The following MTA1 variants were observed in gnomAD, a reference collection of about 807,000 sequenced individuals.
MTA1 encodes metastasis-associated protein MTA1.
MTA1 carries 15 observed loss-of-function variants against 97.0 expected under a neutral mutation model. That is an observed-to-expected ratio of 0.15 (90% confidence interval 0.10 to 0.24). MTA1 has a LOEUF of 0.24. Ranked by LOEUF, MTA1 falls within the 10% of genes least tolerant of loss-of-function variation. MTA1 has a pLI of 1.00. For missense variants in MTA1, 709 were observed against 1,015.1 expected, an observed-to-expected ratio of 0.70 and a Z score of 4.10; for synonymous variants, 435 against 417.5, an observed-to-expected ratio of 1.04 and a Z score of -0.51.
At chr14:105,467,974 G>A (rs1422203296) in intron 18 of MTA1, 1 of 289,166 alleles carries the variant, frequency 3.5e-6, no homozygotes, top group East Asian at 9.2e-5. Context: ...TTGTGAGGGA[G>A]CATCACCCCT....
At chr14:105,469,641 G>C in intron 19 of MTA1, 143 bp downstream of exon 19, 1 of 1,206,934 alleles carries the variant, frequency 8.3e-7, no homozygotes, top group Non-Finnish European at 1.2e-6. Flanking sequence ...TGCAGCATGT[G>C]GGGGCCATGG....
intron 13 of MTA1, 29 bp from the exon 14 acceptor site, chr14:105,464,387 C>T: frequency 6.2e-7 from 1 of 1,607,980 alleles, no homozygotes; most frequent in Non-Finnish European, 8.5e-7. Context: ...GCTTAAGAAT[C>T]CGTCTATTTC....
At position 105,463,005 on chromosome 14, in the gene MTA1, C is replaced by T. The variant is rs1555431384; in HGVS notation, c.943-179C>T. On this transcript the variant is annotated intron_variant, in intron 10 of 20. Coordinates refer to ENST00000331320, the MANE Select transcript of MTA1 (RefSeq NM_004689.4). This position sits in a 1 kb window ranked among gnomAD's most constrained non-coding sequence, Gnocchi z 5.9. ...TGGCATCTGGCGGGGGGACCTGCTT[C>T]ATCAGCTGCCCTCTGCACCTGCCTG... 3.3e-5 allele frequency among the ~76,000 whole-genome samples: 5 copies of T among 152,196 alleles called. No individual in the cohort carries two copies. The highest frequency in any genetic ancestry group is 4.1e-4 in the South Asian group (2 of 4,830).
chr14:105,437,374 G>T (rs2082361321), intron 1 of MTA1, among the ~76,000 whole-genome samples: 1 of 151,928 alleles, frequency 6.6e-6, no homozygotes, highest in Admixed American at 6.5e-5. Flanking sequence ...CGTCCTCAGG[G>T]GTGTGTCCTC....
chr14:105,442,246 G>A (rs1377557767), intron 2 of MTA1, among the ~76,000 whole-genome samples: 1 of 152,254 alleles, frequency 6.6e-6, no homozygotes, highest in Admixed American at 6.5e-5. Flanking sequence ...GCGTTCAGGT[G>A]TGGAGGCTCC....
At chr14:105,446,459 G>A (rs1555427195) in intron 3 of MTA1, among the ~76,000 whole-genome samples, 1 of 152,204 alleles carries the variant, frequency 6.6e-6, no homozygotes, top group Admixed American at 6.5e-5. Context: ...ATGGGGTGAG[G>A]TCCAGGGACT....
rs1489021863 is a variant in MTA1, at chr14:105,424,938, G to A, written c.28+4875G>A. ...CGCCCTGGCAGTGCCGTTCCCGCCCGTGTGTGTGGGTTCTGGGTGTCAAAA... is the reference window on the plus strand; with the variant it reads ...CGCCCTGGCAGTGCCGTTCCCGCCCATGTGTGTGGGTTCTGGGTGTCAAAA... On this transcript the variant is annotated intron_variant, in intron 1 of 20. Transcript: ENST00000331320. This position sits in a 1 kb window ranked among gnomAD's most constrained non-coding sequence, Gnocchi z 4.0. 2.6e-5 allele frequency among the ~76,000 whole-genome samples: 4 copies of A among 152,224 alleles called. No individual in the cohort carries two copies. Among genetic ancestry groups the A allele is most frequent in the African/African-American group, 7.2e-5 (3 of 41,460 alleles).
At chr14:105,451,844 A>G (rs587738505) in intron 6 of MTA1, among the ~76,000 whole-genome samples, 23 of 133,138 alleles carry the variant, frequency 1.7e-4, no homozygotes, top group African/African-American at 6.6e-4. Flanking sequence ...AGGCTGGAGT[A>G]CAGTGGCGCG....
At chr14:105,465,475 A>G (rs1269068552) in intron 16 of MTA1, 2 of 275,080 alleles carry the variant, frequency 7.3e-6, no homozygotes, top group Non-Finnish European at 1.4e-5. Flanking sequence ...CTTCCCTGCC[A>G]GTCTCGCTAC....
At chr14:105,451,763 C>G (rs2082938772) in intron 6 of MTA1, among the ~76,000 whole-genome samples, 2 of 133,274 alleles carry the variant, frequency 1.5e-5, no homozygotes, top group African/African-American at 5.2e-5. Flanking sequence ...CCCTTCCCCC[C>G]TTTTTCTTTT....
chr14:105,469,867 C>A lies in MTA1; in HGVS notation c.1872C>A (p.Asn624Lys), dbSNP rs373034822. The change falls in exon 20 of 21, where the codon AAC becomes AAA. Residue 624 changes from asparagine (N) to lysine (K), a missense_variant. Coordinates refer to ENST00000331320, the MANE Select transcript of MTA1 (RefSeq NM_004689.4). The stretch of plus-strand genomic sequence containing the variant: ...GACCAAGCCGGAACCTCCTGCTCAA[C>A]GGGAAGTCCTACCCCACCAAAGTGC... Reference protein sequence around the residue: ...HMGPSRNLLLNGKSYPTKVRL... With the variant: ...HMGPSRNLLLKGKSYPTKVRL... 1.2e-6 allele frequency: 2 copies of A among 1,609,428 alleles called. No homozygotes were observed. Among genetic ancestry groups the A allele is most frequent in the African/African-American group, 1.3e-5 (1 of 74,820 alleles).
At chr14:105,452,636 C>T (rs587685117) in intron 6 of MTA1, among the ~76,000 whole-genome samples, 90 of 152,248 alleles carry the variant, frequency 5.9e-4, no homozygotes, top group African/African-American at 1.9e-3. Context: ...GAAGCAAGAT[C>T]GCACCACTGT....
At chr14:105,464,913 G>C (rs2141685953) in intron 15 of MTA1, 50 bp downstream of exon 15, 2 of 1,511,594 alleles carry the variant, frequency 1.3e-6, no homozygotes, top group Non-Finnish European at 8.8e-7. Context: ...GTGGTGGGGA[G>C]AGAGCAGCAA....
chr14:105,448,335 C>T (rs1166918009), intron 3 of MTA1, among the ~76,000 whole-genome samples: 2 of 152,126 alleles, frequency 1.3e-5, no homozygotes, highest in Non-Finnish European at 1.5e-5. Context: ...CCACCTCGCC[C>T]GCATCTCCGA....
intron 1 of MTA1, among the ~76,000 whole-genome samples, chr14:105,432,207 G>A (rs2082196522): frequency 6.6e-6 from 1 of 152,070 alleles, no homozygotes; most frequent in Non-Finnish European, 1.5e-5. Context: ...GTTGGCAGTG[G>A]TGAAGTTCTA....
In MTA1 at chr14:105,463,792, G is replaced by A. The variant is rs955799676; in HGVS notation, c.1077-240G>A. On this transcript the variant is annotated intron_variant, in intron 12 of 20. Transcript: ENST00000331320. This position sits in a 1 kb window ranked among gnomAD's most constrained non-coding sequence, Gnocchi z 5.9. ...ATTGGGATTCCAGCCCACACCGCCAGGGTTCAGTCCCTGAGCTGGGCTCCA... is the reference window on the plus strand; with the variant it reads ...ATTGGGATTCCAGCCCACACCGCCAAGGTTCAGTCCCTGAGCTGGGCTCCA... 2 of 624,954 alleles carry A rather than the reference G, an allele frequency of 3.2e-6. No homozygotes were observed. The highest frequency in any genetic ancestry group is 1.8e-5 in the African/African-American group (1 of 54,140). 38.7% of individuals were successfully genotyped at this position (624,954 alleles called of 1,614,324 possible).
Position 105,469,981 on chromosome 14 carries a change from AGAG to A in MTA1, c.1990_1992del (p.Glu664del), listed in dbSNP as rs781915004. On this transcript the variant is annotated inframe_deletion, in exon 20 of 21. Transcript: ENST00000331320. Reference sequence around the variant, plus strand: ...CGGATGACGTGTTCTACATGGCCACAGAGGAGACCAGGTGGGGCCTTCCCAGGG... The same window carrying A: ...CGGATGACGTGTTCTACATGGCCACAGAGACCAGGTGGGGCCTTCCCAGGG... The A allele has an allele frequency of 6.2e-7, 1 of 1,612,524 alleles. No individual in the cohort carries two copies. Among genetic ancestry groups the A allele is most frequent in the Non-Finnish European group, 8.5e-7 (1 of 1,179,854 alleles).
chr14:105,439,759 G>A (rs370904348), intron 2 of MTA1, among the ~76,000 whole-genome samples: 22 of 152,202 alleles, frequency 1.4e-4, no homozygotes, highest in African/African-American at 5.1e-4. Flanking sequence ...CCAGTGGCCC[G>A]ATGGCTGCCT....
intron 16 of MTA1, 80 bp from the exon 17 acceptor site, chr14:105,466,346 A>G: frequency 7.6e-7 from 1 of 1,321,122 alleles, no homozygotes; most frequent in Admixed American, 2.0e-5. Flanking sequence ...TCCCGGAACC[A>G]TGAGGGCTGG....
Sources: allele counts gnomAD v4.1 joint callset (sites outside exome capture counted in the v4.1 genomes callset), GRCh38; gene constraint gnomAD v4.1.1; non-coding constraint Gnocchi (gnomAD v3.1); transcripts MANE v1.5; gene names NCBI Gene and HGNC (gene_info 2026-07-23, HGNC 2026-07-21).